LRMDA: variants seen among roughly 807,000 people sequenced by gnomAD.
LRMDA encodes leucine-rich melanocyte differentiation-associated protein.
Under a neutral mutation model 29.8 loss-of-function variants are expected in LRMDA, and 18 were observed. That is an observed-to-expected ratio of 0.60 (90% CI 0.42 to 0.90). The LOEUF is 0.90. LRMDA is among the 40% of genes least tolerant of loss of function. The probability of loss-of-function intolerance (pLI) is 0.00; values close to 1 mark genes in which losing one functional copy is unlikely to be tolerated. For synonymous variants in LRMDA, 125 were observed against 109.4 expected (o/e 1.14, Z -0.89); for missense variants, 273 against 273.9 (o/e 1.00, Z 0.02).
chr10:76,150,137 T>C (rs1462494367), intron 5 of LRMDA, among the ~76,000 whole-genome samples: 1 of 152,218 alleles, frequency 6.6e-6, no homozygotes, highest in Non-Finnish European at 1.5e-5. Context: ...CAAACCCTCC[T>C]GTGTCTGCAA....
At chr10:76,418,408 A>G (rs1254428127) in intron 6 of LRMDA, among the ~76,000 whole-genome samples, 1 of 151,400 alleles carries the variant, frequency 6.6e-6, no homozygotes, top group African/African-American at 2.4e-5. Context: ...TATGTATATG[A>G]TTTTTCAAAA....
intron 2 of LRMDA, among the ~76,000 whole-genome samples, chr10:75,461,704 A>G (rs1844587561): frequency 6.6e-6 from 1 of 152,206 alleles, no homozygotes; most frequent in Non-Finnish European, 1.5e-5. Flanking sequence ...ATGCTTGTGT[A>G]TGCTTACACT....
chr10:76,302,516 T>A (rs1840493645), intron 5 of LRMDA, among the ~76,000 whole-genome samples: 1 of 152,194 alleles, frequency 6.6e-6, no homozygotes, highest in South Asian at 2.1e-4. Context: ...CAGTTCACGC[T>A]TGGTTTCTTT....
At chr10:75,743,144 T>C (rs1413030073) in intron 2 of LRMDA, among the ~76,000 whole-genome samples, 1 of 151,926 alleles carries the variant, frequency 6.6e-6, no homozygotes, top group Non-Finnish European at 1.5e-5. Flanking sequence ...TGGTAAGAGA[T>C]GAGGTGGGAA....
At chr10:75,678,094 A>G (rs1361107571) in intron 2 of LRMDA, among the ~76,000 whole-genome samples, 1 of 152,204 alleles carries the variant, frequency 6.6e-6, no homozygotes, top group East Asian at 1.9e-4. Context: ...AGAAATATTC[A>G]TACATATACA....
chr10:75,498,327 G>A (rs575073154), intron 2 of LRMDA, among the ~76,000 whole-genome samples: 11 of 152,226 alleles, frequency 7.2e-5, no homozygotes, highest in South Asian at 2.1e-4. Context: ...GAGAGTGTCC[G>A]TGTCCATATA....
chr10:75,521,012 G>A (rs914352211), intron 2 of LRMDA, among the ~76,000 whole-genome samples: 7 of 152,142 alleles, frequency 4.6e-5, no homozygotes, highest in Admixed American at 1.3e-4. Context: ...TATCACCAGC[G>A]GAGGCTGCAG....
intron 4 of LRMDA, among the ~76,000 whole-genome samples, chr10:76,054,470 G>A (rs1441861920): frequency 6.6e-6 from 1 of 152,010 alleles, no homozygotes; most frequent in African/African-American, 2.4e-5. Context: ...TTTCAGGGCT[G>A]TGATCCAAAG....
intron 2 of LRMDA, among the ~76,000 whole-genome samples, chr10:75,567,378 T>A (rs146496138): frequency 6.6e-6 from 1 of 152,344 alleles, no homozygotes; most frequent in African/African-American, 2.4e-5. Flanking sequence ...TAACTAATGA[T>A]TACTTTTAGA....
intron 6 of LRMDA, among the ~76,000 whole-genome samples, chr10:76,401,847 C>T (rs553528212): frequency 1.3e-5 from 2 of 152,210 alleles, no homozygotes; most frequent in East Asian, 3.9e-4. Context: ...TGAACAAGTG[C>T]CTGCATTTTC....
At chr10:76,393,713 G>T (rs997779844) in intron 6 of LRMDA, among the ~76,000 whole-genome samples, 1 of 152,080 alleles carries the variant, frequency 6.6e-6, no homozygotes, top group Non-Finnish European at 1.5e-5. Flanking sequence ...TGCTTTTGGG[G>T]TGACATCCAA....
intron 2 of LRMDA, among the ~76,000 whole-genome samples, chr10:75,865,517 A>G (rs937771336): frequency 1.3e-5 from 2 of 152,196 alleles, no homozygotes; most frequent in African/African-American, 4.8e-5. Context: ...TTGAGGTGAT[A>G]TGATGTGTTT....
At chr10:76,425,769 C>T (rs1229523359) in intron 6 of LRMDA, among the ~76,000 whole-genome samples, 3 of 148,890 alleles carry the variant, frequency 2.0e-5, no homozygotes, top group Admixed American at 1.3e-4. Context: ...CACCCCACAA[C>T]GGGCGCTGGT....
intron 6 of LRMDA, among the ~76,000 whole-genome samples, chr10:76,520,726 A>C (rs1843110083): frequency 6.6e-6 from 1 of 152,148 alleles, no homozygotes; most frequent in Admixed American, 6.5e-5. Flanking sequence ...AAATCTCTTC[A>C]TTATTCCTGC....
chr10:76,316,390 G>A (rs906787324), intron 5 of LRMDA, among the ~76,000 whole-genome samples: 18 of 152,036 alleles, frequency 1.2e-4, no homozygotes, highest in Non-Finnish European at 2.2e-4. Context: ...CTGGCCGTGC[G>A]CTGTGGCCGA....
intron 5 of LRMDA, among the ~76,000 whole-genome samples, chr10:76,195,210 A>G (rs1851311806): frequency 6.6e-6 from 1 of 152,188 alleles, no homozygotes; most frequent in Non-Finnish European, 1.5e-5. Flanking sequence ...CATTCCTCCC[A>G]TTCTAACTGG....
chr10:76,460,297 T>C (rs957309267), intron 6 of LRMDA, among the ~76,000 whole-genome samples: 3 of 152,236 alleles, frequency 2.0e-5, no homozygotes, highest in Non-Finnish European at 2.9e-5. Flanking sequence ...AAACACACAT[T>C]TCTGGGCTTC....
At chr10:75,986,006 C>T (rs746542835) in intron 2 of LRMDA, among the ~76,000 whole-genome samples, 1 of 152,214 alleles carries the variant, frequency 6.6e-6, no homozygotes, top group Admixed American at 6.5e-5. Flanking sequence ...TTCTAGACAG[C>T]ATTTTAAATT....
intron 6 of LRMDA, among the ~76,000 whole-genome samples, chr10:76,330,720 C>T (rs987377240): frequency 2.0e-5 from 3 of 152,168 alleles, no homozygotes; most frequent in Non-Finnish European, 2.9e-5. Context: ...GCCACAATTT[C>T]GGGTATTGTG....
Sources: gnomAD v4.1 joint callset for allele counts (sites outside exome capture counted in the v4.1 genomes callset) on GRCh38, gnomAD v4.1.1 for gene constraint, MANE v1.5 for transcripts, NCBI Gene and HGNC (gene_info 2026-07-23, HGNC 2026-07-21) for gene names.